The following C12orf42 variants were observed in gnomAD, a reference collection of about 807,000 sequenced individuals.
C12orf42 encodes chromosome 12 open reading frame 42, also known as uncharacterized protein C12orf42.
Under a neutral mutation model 21.6 loss-of-function variants are expected in C12orf42, and 25 were observed. The observed-to-expected ratio is 1.16, with a 90% CI of 0.84 to 1.62. C12orf42 has a LOEUF of 1.62. C12orf42 is among the 40% of genes most tolerant of loss of function. The pLI is 0.00. For missense variants in C12orf42, 483 were observed against 459.3 expected, an observed-to-expected ratio of 1.05 and a Z score of -0.47; for synonymous variants, 174 against 175.0, an observed-to-expected ratio of 0.99 and a Z score of 0.05.
At chr12:103,452,835 T>C (rs1011613313) in intron 2 of C12orf42, among the ~76,000 whole-genome samples, 1 of 151,776 alleles carries the variant, frequency 6.6e-6, no homozygotes, top group Non-Finnish European at 1.5e-5. Flanking sequence ...ATGAGAACAC[T>C]TGGACACAGG....
At chr12:103,430,612 G>T (rs1303639406) in intron 2 of C12orf42, among the ~76,000 whole-genome samples, 1 of 152,032 alleles carries the variant, frequency 6.6e-6, no homozygotes, top group African/African-American at 2.4e-5. Flanking sequence ...CCCATTACTG[G>T]GTATATACCC....
At chr12:103,147,802 A>G in the C12orf42 span, among the ~76,000 whole-genome samples, 15 of 151,992 alleles carry the variant, frequency 9.9e-5, no homozygotes, top group African/African-American at 3.6e-4. Flanking sequence ...CAACCATTAC[A>G]AGAAAGAACA....
chr12:103,078,557 C>T, the C12orf42 span, among the ~76,000 whole-genome samples: 1 of 152,174 alleles, frequency 6.6e-6, no homozygotes, highest in African/African-American at 2.4e-5. Flanking sequence ...AATTGTCAAA[C>T]ATAATAGTCA....
chr12:103,498,041 A>C (rs968308068), upstream of C12orf42, among the ~76,000 whole-genome samples: 7 of 152,212 alleles, frequency 4.6e-5, no homozygotes, highest in African/African-American at 1.4e-4. Context: ...TCTCAAAAAA[A>C]AAAAAGAAGA....
chr12:103,499,577 A>T (rs181444384), upstream of C12orf42, among the ~76,000 whole-genome samples: 5 of 152,340 alleles, frequency 3.3e-5, no homozygotes, highest in East Asian at 9.6e-4. Context: ...GGATTTCACT[A>T]CCATGCCAAG....
At chr12:103,544,175 G>A in the C12orf42 span, among the ~76,000 whole-genome samples, 3 of 152,052 alleles carry the variant, frequency 2.0e-5, no homozygotes, top group South Asian at 2.1e-4. Flanking sequence ...GAGCCACCGT[G>A]CCCGGCCTAG....
the C12orf42 span, among the ~76,000 whole-genome samples, chr12:103,171,570 C>T: frequency 1.3e-5 from 2 of 151,998 alleles, no homozygotes; most frequent in Admixed American, 6.6e-5. Flanking sequence ...GATATTGAGT[C>T]GCAGGAGCTG....
At chr12:103,511,353 A>G in the C12orf42 span, among the ~76,000 whole-genome samples, 1 of 150,032 alleles carries the variant, frequency 6.7e-6, no homozygotes, top group African/African-American at 2.4e-5. Context: ...AATTGTTTAT[A>G]TTTAATATAA....
At chr12:103,215,570 C>T in the C12orf42 span, among the ~76,000 whole-genome samples, 1 of 152,040 alleles carries the variant, frequency 6.6e-6, no homozygotes, top group African/African-American at 2.4e-5. Flanking sequence ...TCTCTCTTTG[C>T]CCAGACAGCA....
the C12orf42 span, among the ~76,000 whole-genome samples, chr12:103,049,845 G>A: frequency 3.4e-4 from 52 of 152,138 alleles, no homozygotes; most frequent in Middle Eastern, 3.4e-3. Flanking sequence ...ATGCTCAGAT[G>A]TCACCTTCTC....
chr12:103,468,738 C>T (rs913400720), intron 2 of C12orf42, among the ~76,000 whole-genome samples: 3 of 151,526 alleles, frequency 2.0e-5, no homozygotes, highest in Admixed American at 6.6e-5. Flanking sequence ...AAAAAAAAAA[C>T]GGGTCGATGA....
chr12:103,061,458 A>T, the C12orf42 span, among the ~76,000 whole-genome samples: 2 of 151,500 alleles, frequency 1.3e-5, no homozygotes, highest in East Asian at 3.9e-4. Flanking sequence ...TTGCTTTATC[A>T]TTATTAAATA....
intron 2 of C12orf42, among the ~76,000 whole-genome samples, chr12:103,439,139 G>C (rs59365251): frequency 6.6e-6 from 1 of 151,604 alleles, no homozygotes; most frequent in South Asian, 2.1e-4. Context: ...ACAAACCTGA[G>C]AAAAACAAGA....
chr12:103,067,187 T>G, the C12orf42 span, among the ~76,000 whole-genome samples: 1 of 152,224 alleles, frequency 6.6e-6, no homozygotes, highest in Non-Finnish European at 1.5e-5. Flanking sequence ...CTCACTGGAA[T>G]AGACACTTAC....
chr12:103,133,568 G>GA, the C12orf42 span, among the ~76,000 whole-genome samples: 1 of 152,044 alleles, frequency 6.6e-6, no homozygotes, highest in Non-Finnish European at 1.5e-5. Flanking sequence ...CCAAGCCACT[G>GA]AAAAAACAAA....
At chr12:103,234,565 G>A (rs2033411271), downstream of C12orf42, among the ~76,000 whole-genome samples, 1 of 152,084 alleles carries the variant, frequency 6.6e-6, no homozygotes. Flanking sequence ...TAGTGTACTG[G>A]GGGATCATGG....
chr12:103,561,147 C>T, the C12orf42 span, among the ~76,000 whole-genome samples: 3 of 152,206 alleles, frequency 2.0e-5, no homozygotes, highest in African/African-American at 7.2e-5. Flanking sequence ...GACTTCAGAC[C>T]CCAAGGCAGG....
the C12orf42 span, among the ~76,000 whole-genome samples, chr12:103,173,191 A>G: frequency 5.3e-5 from 8 of 152,186 alleles, no homozygotes; most frequent in African/African-American, 1.4e-4. Flanking sequence ...GCTGGCATCT[A>G]TATAGCCTGT....
At chr12:103,218,011 G>A in the C12orf42 span, among the ~76,000 whole-genome samples, 1 of 152,158 alleles carries the variant, frequency 6.6e-6, no homozygotes, top group Non-Finnish European at 1.5e-5. Context: ...GCCAGGCACG[G>A]TGGCTCACGC....
Sources: gnomAD v4.1 joint callset for allele counts (sites outside exome capture counted in the v4.1 genomes callset) on GRCh38, gnomAD v4.1.1 for gene constraint, MANE v1.5 for transcripts, NCBI Gene and HGNC (gene_info 2026-07-23, HGNC 2026-07-21) for gene names.